SNTG1: variants seen among roughly 807,000 people sequenced by gnomAD.
The protein encoded by SNTG1 is gamma-1-syntrophin.
In SNTG1, 39 loss-of-function variants were observed where a neutral mutation model predicts 74.7. That is an observed-to-expected ratio of 0.52 (90% CI 0.40 to 0.68). SNTG1 has a LOEUF of 0.68. Among genes scored for constraint, SNTG1 ranks in the 30% least tolerant of loss-of-function variants. The pLI, the probability that SNTG1 is intolerant of heterozygous loss-of-function variation, is 0.00. For missense variants in SNTG1, 685 were observed against 609.5 expected, an observed-to-expected ratio of 1.12 and a Z score of -1.30; for synonymous variants, 254 against 217.1, an observed-to-expected ratio of 1.17 and a Z score of -1.49.
chr8:50,515,590 G>C, intron 9 of SNTG1, among the ~76,000 whole-genome samples: 1 of 151,978 alleles, frequency 6.6e-6, no homozygotes, highest in East Asian at 1.9e-4. Flanking sequence ...GTCTGAAGTT[G>C]ATCTGGGACA....
chr8:49,998,545 T>C (rs535774192), intron 1 of SNTG1, among the ~76,000 whole-genome samples: 62 of 152,002 alleles, frequency 4.1e-4, no homozygotes, highest in Non-Finnish European at 7.4e-5. Flanking sequence ...ATTTTATTTT[T>C]AATTTTTTTC....
chr8:50,576,749 C>A (rs1320983596), intron 12 of SNTG1, among the ~76,000 whole-genome samples: 2 of 151,710 alleles, frequency 1.3e-5, no homozygotes, highest in Non-Finnish European at 2.9e-5. Context: ...TTTAAGTTTT[C>A]TTTTCAGATT....
chr8:50,271,743 GA>G (rs2087791303), intron 2 of SNTG1, among the ~76,000 whole-genome samples: 1 of 152,082 alleles, frequency 6.6e-6, no homozygotes, highest in Non-Finnish European at 1.5e-5. Context: ...GATTCTCTGG[GA>G]ATCTCTGGGA....
chr8:50,056,919 C>T (rs971786993), intron 1 of SNTG1, among the ~76,000 whole-genome samples: 1 of 152,090 alleles, frequency 6.6e-6, no homozygotes, highest in Non-Finnish European at 1.5e-5. Flanking sequence ...CACTGAGCCT[C>T]CAGGTTTAGG....
intron 1 of SNTG1, among the ~76,000 whole-genome samples, chr8:50,051,841 T>A (rs1819603159): frequency 1.3e-5 from 2 of 152,068 alleles, no homozygotes; most frequent in Admixed American, 6.6e-5. Flanking sequence ...TTCAACCTAC[T>A]TTTTTGGGGG....
chr8:50,130,711 G>C (rs944332305), intron 1 of SNTG1, among the ~76,000 whole-genome samples: 1 of 152,024 alleles, frequency 6.6e-6, no homozygotes, highest in Non-Finnish European at 1.5e-5. Flanking sequence ...AGAAGATAAA[G>C]GATCTTGCAA....
intron 1 of SNTG1, among the ~76,000 whole-genome samples, chr8:50,084,031 A>C (rs1822643846): frequency 6.6e-6 from 1 of 152,196 alleles, no homozygotes; most frequent in Non-Finnish European, 1.5e-5. Flanking sequence ...TAAACACACA[A>C]ATTATTTTAT....
chr8:50,032,179 C>A (rs1406002336), intron 1 of SNTG1, among the ~76,000 whole-genome samples: 1 of 151,632 alleles, frequency 6.6e-6, no homozygotes, highest in Non-Finnish European at 1.5e-5. Context: ...CTTCTCAATT[C>A]GTTTTTTCTT....
Position 50,585,298 on chromosome 8 carries a change from C to T in SNTG1, c.811-5581C>T, listed in dbSNP as rs149502054. On this transcript the variant is annotated intron_variant, in intron 12 of 18. Coordinates refer to ENST00000642720, the MANE Select transcript of SNTG1 (RefSeq NM_018967.5). Reference sequence around the variant, plus strand: ...ATGTGTTGGGCAACCCTGGTCTAAGCCATTCTGCTCCTTTTACAGCCAGAG... The same window carrying T: ...ATGTGTTGGGCAACCCTGGTCTAAGTCATTCTGCTCCTTTTACAGCCAGAG... Among the ~76,000 whole-genome samples, 684 of 152,248 alleles carry T rather than the reference C, an allele frequency of 4.5e-3. 5 individuals are homozygous for T. The highest frequency in any genetic ancestry group is 0.015 in the African/African-American group (638 of 41,542).
At chr8:50,489,537 C>A (rs2093831128) in intron 8 of SNTG1, among the ~76,000 whole-genome samples, 1 of 152,176 alleles carries the variant, frequency 6.6e-6, no homozygotes, top group African/African-American at 2.4e-5. Context: ...TGATGATGAG[C>A]TTTTCTCATA....
At chr8:50,148,396 A>AT (rs1312341783) in intron 1 of SNTG1, among the ~76,000 whole-genome samples, 1 of 152,096 alleles carries the variant, frequency 6.6e-6, no homozygotes, top group African/African-American at 2.4e-5. Context: ...TAGTAACTTT[A>AT]TTTTTTATTT....
At position 50,318,969 on chromosome 8, in the gene SNTG1, T is replaced by TTA. The variant is rs963670336; in HGVS notation, c.-27-75233_-27-75232dup. 4.0e-4 allele frequency among the ~76,000 whole-genome samples: 60 copies of TTA among 151,766 alleles called. No homozygotes were observed. The East Asian group carries it at 4.3e-3, about 11-fold the overall frequency. On this transcript the variant is annotated intron_variant, in intron 2 of 18. Transcript: ENST00000642720. ...TGTGTATATATCTACGTATGTATAT[T>TTA]TATATATATATGTATGTATATGTAT...
At chr8:50,025,041 G>T (rs998171631) in intron 1 of SNTG1, among the ~76,000 whole-genome samples, 1 of 152,074 alleles carries the variant, frequency 6.6e-6, no homozygotes, top group Non-Finnish European at 1.5e-5. Flanking sequence ...GTGGATAAGG[G>T]CAGGCAAGGG....
At chr8:50,331,493 A>G (rs1381970225) in intron 2 of SNTG1, among the ~76,000 whole-genome samples, 1 of 152,228 alleles carries the variant, frequency 6.6e-6, no homozygotes. Context: ...AAACAAGAGA[A>G]GAAATCCTGC....
chr8:50,221,811 G>A (rs1297121433), intron 2 of SNTG1, among the ~76,000 whole-genome samples: 1 of 152,116 alleles, frequency 6.6e-6, no homozygotes, highest in Non-Finnish European at 1.5e-5. Context: ...TTTGCCAGCT[G>A]CCCAGATAGA....
chr8:50,523,579 G>A (rs2094197341), intron 9 of SNTG1, among the ~76,000 whole-genome samples: 1 of 152,166 alleles, frequency 6.6e-6, no homozygotes, highest in Non-Finnish European at 1.5e-5. Context: ...CTAGTCAGTT[G>A]AGCTGTCAGA....
chr8:50,456,568 C>T (rs558933312), intron 8 of SNTG1, among the ~76,000 whole-genome samples: 1 of 152,240 alleles, frequency 6.6e-6, no homozygotes, highest in South Asian at 2.1e-4. Context: ...GGCCAAGTAG[C>T]TCTCTGAAGA....
intron 17 of SNTG1, among the ~76,000 whole-genome samples, chr8:50,715,616 T>C (rs1037645851): frequency 3.3e-5 from 5 of 152,196 alleles, no homozygotes; most frequent in African/African-American, 1.2e-4. Context: ...AATGATTTTA[T>C]GGTTTATTTT....
chr8:50,072,993 G>A (rs1046301700), intron 1 of SNTG1, among the ~76,000 whole-genome samples: 4 of 152,130 alleles, frequency 2.6e-5, no homozygotes, highest in African/African-American at 7.2e-5. Flanking sequence ...CCATATTGAT[G>A]GCTGCTGACT....
Sources: gnomAD v4.1 joint callset for allele counts (sites outside exome capture counted in the v4.1 genomes callset) on GRCh38, gnomAD v4.1.1 for gene constraint, MANE v1.5 for transcripts, NCBI Gene and HGNC (gene_info 2026-07-23, HGNC 2026-07-21) for gene names.